ASAP1: variants seen among roughly 807,000 people sequenced by gnomAD.
The protein encoded by ASAP1 is ArfGAP with SH3 domain, ankyrin repeat and PH domain 1.
Under a neutral mutation model 145.2 loss-of-function variants are expected in ASAP1, and 43 were observed. That is an observed-to-expected ratio of 0.30 (90% confidence interval 0.23 to 0.38). The LOEUF is 0.38. Among genes scored for constraint, ASAP1 ranks in the 10% least tolerant of loss-of-function variants. The pLI, the probability that ASAP1 is intolerant of heterozygous loss-of-function variation, is 1.00. For missense variants in ASAP1, 1,018 were observed against 1,355.3 expected (o/e 0.75, Z 3.91); for synonymous variants, 546 against 515.5 (o/e 1.06, Z -0.80).
At chr8:130,408,233 T>G (rs535273523) in intron 1 of ASAP1, among the ~76,000 whole-genome samples, 1 of 152,342 alleles carries the variant, frequency 6.6e-6, no homozygotes, top group Non-Finnish European at 1.5e-5. Context: ...AGATAGCTGG[T>G]AAAACAGCAT....
intron 18 of ASAP1, among the ~76,000 whole-genome samples, chr8:130,119,029 T>C (rs1036064864): frequency 6.6e-6 from 1 of 152,248 alleles, no homozygotes; most frequent in Non-Finnish European, 1.5e-5. Context: ...GTTAAACACA[T>C]TCTGAAAGAC....
intron 3 of ASAP1, among the ~76,000 whole-genome samples, chr8:130,281,513 A>C (rs907998630): frequency 4.6e-5 from 7 of 152,216 alleles, no homozygotes; most frequent in Admixed American, 1.3e-4. Flanking sequence ...CTCCAAGTCT[A>C]GGTACTGTAA....
chr8:130,305,723 C>T (rs1253562255), intron 3 of ASAP1, among the ~76,000 whole-genome samples: 1 of 152,048 alleles, frequency 6.6e-6, no homozygotes, highest in African/African-American at 2.4e-5. Context: ...TTTTATAAAT[C>T]GAGAAAACTA....
intron 3 of ASAP1, among the ~76,000 whole-genome samples, chr8:130,258,991 G>A (rs1819734735): frequency 6.6e-6 from 1 of 152,118 alleles, no homozygotes; most frequent in Non-Finnish European, 1.5e-5. Context: ...ATAAATTCCA[G>A]AGGAGCATGT....
chr8:130,234,749 GGGT>G (rs1818112303), intron 4 of ASAP1, among the ~76,000 whole-genome samples: 1 of 148,820 alleles, frequency 6.7e-6, no homozygotes, highest in Non-Finnish European at 1.5e-5. Flanking sequence ...TGTAAAGCAA[GGGT>G]CTCCCTTTTG....
At chr8:130,327,238 G>A (rs115254112) in intron 3 of ASAP1, among the ~76,000 whole-genome samples, 2,586 of 152,242 alleles carry the variant, frequency 0.017, 36 homozygotes, top group East Asian at 0.052. Context: ...TGATACTATG[G>A]CCCTGTCTGT....
Position 130,376,903 on chromosome 8 carries a change from C to CAAAAAAA in ASAP1, c.60-18767_60-18761dup, listed in dbSNP as rs34006260. Among the ~76,000 whole-genome samples, 7 of 26,018 alleles carry CAAAAAAA rather than the reference C, an allele frequency of 2.7e-4. 2 individuals carry two copies. The highest frequency in any genetic ancestry group is 4.5e-4 in the African/African-American group (4 of 8,924). The allele number at this position is 26,018 out of a possible 152,430, so 17.1% of individuals were successfully genotyped here. ...CAGCAACAAGAGCAAAACTCCATCT[C>CAAAAAAA]AAAAAAAAAAAAAAAAAAAAAAAAA... On this transcript the variant is annotated intron_variant, in intron 2 of 29. Coordinates refer to ENST00000518721, the MANE Select transcript of ASAP1 (RefSeq NM_018482.4).
At chr8:130,399,041 G>A (rs1049793038) in intron 2 of ASAP1, among the ~76,000 whole-genome samples, 1 of 152,232 alleles carries the variant, frequency 6.6e-6, no homozygotes, top group Non-Finnish European at 1.5e-5. Flanking sequence ...ATTCTGGCCA[G>A]TAGAATATAA....
At chr8:130,379,320 G>A (rs939991140) in intron 2 of ASAP1, among the ~76,000 whole-genome samples, 15 of 152,158 alleles carry the variant, frequency 9.9e-5, no homozygotes, top group African/African-American at 3.6e-4. Context: ...ACCAGTAATA[G>A]TAAGTATTTT....
chr8:130,324,956 G>A (rs918811736), intron 3 of ASAP1, among the ~76,000 whole-genome samples: 1 of 152,158 alleles, frequency 6.6e-6, no homozygotes, highest in East Asian at 1.9e-4. Flanking sequence ...CCAAGCAAAG[G>A]TGACTGAGAA....
In ASAP1 at chr8:130,137,462, T is replaced by G. The variant is rs551468171; in HGVS notation, c.1081-424A>C. 3.3e-5 allele frequency among the ~76,000 whole-genome samples: 5 copies of G among 152,328 alleles called. No homozygotes were observed. The East Asian group carries it at 5.8e-4, about 18-fold the overall frequency. ...CACCTTTCTGGAACCTACCCATAAC[T>G]AAGCACCAACAGTTGGCACTTTTAA... On this transcript the variant is annotated intron_variant, in intron 13 of 29. Coordinates refer to ENST00000518721, the MANE Select transcript of ASAP1 (RefSeq NM_018482.4).
chr8:130,247,707 C>G (rs903457023), intron 3 of ASAP1, among the ~76,000 whole-genome samples: 1 of 152,120 alleles, frequency 6.6e-6, no homozygotes, highest in Non-Finnish European at 1.5e-5. Context: ...GCAGGTCAGA[C>G]GTGAGCTGCA....
chr8:130,193,536 T>C (rs1182663606), intron 5 of ASAP1, among the ~76,000 whole-genome samples: 1 of 152,140 alleles, frequency 6.6e-6, no homozygotes, highest in Non-Finnish European at 1.5e-5. Flanking sequence ...TTAAAAAAAT[T>C]GTAATATGTA....
chr8:130,134,821 A>G (rs945230727), intron 14 of ASAP1, among the ~76,000 whole-genome samples: 6 of 152,196 alleles, frequency 3.9e-5, no homozygotes, highest in Non-Finnish European at 5.9e-5. Context: ...TTCAATTGTT[A>G]CTGTGTTTTC....
intron 1 of ASAP1, among the ~76,000 whole-genome samples, chr8:130,412,069 C>T (rs1242781156): frequency 1.3e-4 from 20 of 152,196 alleles, no homozygotes; most frequent in Admixed American, 1.2e-3. Flanking sequence ...CTTTCAATCA[C>T]GCTGAGTCTT....
At chr8:130,324,909 T>C (rs1029773384) in intron 3 of ASAP1, among the ~76,000 whole-genome samples, 3 of 152,198 alleles carry the variant, frequency 2.0e-5, no homozygotes, top group Non-Finnish European at 4.4e-5. Context: ...GGAGAGGCTC[T>C]AGACAGTCTG....
intron 2 of ASAP1, among the ~76,000 whole-genome samples, chr8:130,359,631 T>A (rs552618347): frequency 6.6e-6 from 1 of 151,222 alleles, no homozygotes; most frequent in South Asian, 2.1e-4. Context: ...TTTTTTTTTT[T>A]TTTGAGACGG....
At chr8:130,284,825 T>A in intron 3 of ASAP1, among the ~76,000 whole-genome samples, 2 of 147,056 alleles carry the variant, frequency 1.4e-5, no homozygotes, top group Non-Finnish European at 3.0e-5. Context: ...GTAAAACCAA[T>A]CATTCCTTTT....
intron 3 of ASAP1, among the ~76,000 whole-genome samples, chr8:130,266,081 C>T (rs905394257): frequency 2.0e-5 from 3 of 152,046 alleles, no homozygotes; most frequent in Non-Finnish European, 4.4e-5. Flanking sequence ...CCCACAGGTG[C>T]GGGGTTGAAA....
Sources: allele counts gnomAD v4.1 joint callset (sites outside exome capture counted in the v4.1 genomes callset), GRCh38; gene constraint gnomAD v4.1.1; transcripts MANE v1.5; gene names NCBI Gene and HGNC (gene_info 2026-07-23, HGNC 2026-07-21).